Variants in PRMT3 observed in about 807,000 individuals in gnomAD.
PRMT3 encodes the protein protein arginine methyltransferase 3.
In PRMT3, 62 loss-of-function variants were observed where a neutral mutation model predicts 71.9. The observed-to-expected ratio is 0.86, with a 90% CI of 0.70 to 1.07. The LOEUF (loss-of-function observed/expected upper bound fraction) is 1.07. Ranked by LOEUF, PRMT3 falls within the 50% of genes least tolerant of loss-of-function variation. The pLI is 0.00. For synonymous variants in PRMT3, 213 were observed against 220.4 expected, an observed-to-expected ratio of 0.97 and a Z score of 0.30; for missense variants, 663 against 643.0, an observed-to-expected ratio of 1.03 and a Z score of -0.34.
At chr11:20,461,930 C>T (rs1251788323) in intron 11 of PRMT3, 50 bp from the exon 12 acceptor site, 12 of 1,396,430 alleles carry the variant, frequency 8.6e-6, no homozygotes, top group Non-Finnish European at 1.0e-5. Context: ...AATTATATTC[C>T]ATAAGAAAGG....
intron 10 of PRMT3, among the ~76,000 whole-genome samples, chr11:20,441,399 G>A (rs1393096935): frequency 1.3e-5 from 2 of 151,620 alleles, no homozygotes; most frequent in Non-Finnish European, 1.5e-5. Context: ...TCCGCCTCCC[G>A]GGTTCACGCC....
intron 8 of PRMT3, chr11:20,406,451 A>G (rs972027895): frequency 2.0e-5 from 3 of 152,188 alleles, no homozygotes; most frequent in Non-Finnish European, 4.4e-5. Context: ...TCAAGATTTG[A>G]CCTTGTTACA....
At chr11:20,487,740 A>G (rs1851110417) in intron 13 of PRMT3, among the ~76,000 whole-genome samples, 1 of 152,228 alleles carries the variant, frequency 6.6e-6, no homozygotes, top group Non-Finnish European at 1.5e-5. Context: ...TTTTGTGTTT[A>G]TAGCTAGGAA....
chr11:20,437,593 T>C (rs1319713452), intron 10 of PRMT3, among the ~76,000 whole-genome samples: 2 of 151,614 alleles, frequency 1.3e-5, no homozygotes, highest in Non-Finnish European at 2.9e-5. Context: ...CATAGTTTTT[T>C]TTGTTGTTAT....
At chr11:20,441,263 TTTTATTTATTTATTTA>T (rs3044625) in intron 10 of PRMT3, among the ~76,000 whole-genome samples, 1,597 of 138,132 alleles carry the variant, frequency 0.012, 32 homozygotes, top group Non-Finnish European at 9.1e-3. Flanking sequence ...GTTACTAACT[TTTTATTTATTTATTTA>T]TTTATTTATT....
intron 15 of PRMT3, among the ~76,000 whole-genome samples, chr11:20,506,094 TG>T (rs1851584632): frequency 6.6e-6 from 1 of 152,190 alleles, no homozygotes; most frequent in Admixed American, 6.5e-5. Flanking sequence ...GAACTTCATC[TG>T]TGAGTAAGGA....
intron 9 of PRMT3, among the ~76,000 whole-genome samples, chr11:20,416,943 G>A (rs1253451421): frequency 6.6e-6 from 1 of 152,116 alleles, no homozygotes; most frequent in Non-Finnish European, 1.5e-5. Flanking sequence ...ACTGGCATAG[G>A]TTTTGTCTCT....
chr11:20,441,716 C>T (rs1207527111), intron 10 of PRMT3, among the ~76,000 whole-genome samples: 3 of 150,962 alleles, frequency 2.0e-5, no homozygotes, highest in South Asian at 4.2e-4. Context: ...CGTCTCTTTA[C>T]GTCTGTGCAG....
At chr11:20,470,997 G>C (rs1446571023) in intron 13 of PRMT3, among the ~76,000 whole-genome samples, 1 of 151,918 alleles carries the variant, frequency 6.6e-6, no homozygotes, top group Non-Finnish European at 1.5e-5. Flanking sequence ...GTAATGTTGA[G>C]CTTTTTTTCC....
intron 5 of PRMT3, among the ~76,000 whole-genome samples, chr11:20,395,495 C>A (rs923431789): frequency 2.6e-5 from 4 of 151,788 alleles, no homozygotes; most frequent in Non-Finnish European, 5.9e-5. Context: ...AGGCTCGCAT[C>A]ACCAGACCTG....
In PRMT3 at chr11:20,474,810, A is replaced by T. The variant is rs143141420; in HGVS notation, c.1347+10264A>T. Among the ~76,000 whole-genome samples the T allele has an allele frequency of 8.8e-3, 1,348 of 152,358 alleles. 9 individuals are homozygous for T. The highest frequency in any genetic ancestry group is 0.014 in the Non-Finnish European group (939 of 68,034). On this transcript the variant is annotated intron_variant, in intron 13 of 15. Transcript: ENST00000331079. ...TTGCAGATAGAACAATGGCAAGAGC[A>T]CACTTGAACAAAGGAGGGAAGCAAT...
chr11:20,469,962 CTTT>C (rs1275116647), intron 13 of PRMT3, among the ~76,000 whole-genome samples: 2 of 151,988 alleles, frequency 1.3e-5, no homozygotes, highest in Non-Finnish European at 2.9e-5. Context: ...AAGAAGCAGA[CTTT>C]TTTAATACAG....
intron 3 of PRMT3, 70 bp downstream of exon 3, chr11:20,389,896 A>G (rs1389187307): frequency 7.7e-6 from 9 of 1,171,992 alleles, no homozygotes; most frequent in Non-Finnish European, 1.1e-5. Context: ...TCACACCTGT[A>G]ATCCCAGCAC....
At chr11:20,504,747 C>CGAGCGAGA (rs1435540993) in intron 15 of PRMT3, among the ~76,000 whole-genome samples, 2 of 111,152 alleles carry the variant, frequency 1.8e-5, no homozygotes, top group African/African-American at 6.9e-5. Flanking sequence ...AGAGAGAGAG[C>CGAGCGAGA]GAGAGCGACT....
intron 7 of PRMT3, among the ~76,000 whole-genome samples, chr11:20,402,040 T>C (rs561073821): frequency 5.3e-4 from 81 of 152,318 alleles, no homozygotes; most frequent in African/African-American, 1.9e-3. Context: ...CTGAAACGTA[T>C]CCAGTTTAGT....
intron 8 of PRMT3, among the ~76,000 whole-genome samples, 200 bp downstream of exon 8, chr11:20,403,184 T>C (rs1386403109): frequency 1.3e-5 from 2 of 152,236 alleles, no homozygotes; most frequent in Non-Finnish European, 2.9e-5. Flanking sequence ...TGCTCTTTTT[T>C]AAAATTGAAA....
rs1408326333 is a variant in PRMT3, at chr11:20,397,677, TTCAGC to T, written c.665_669del (p.Ser222IlefsTer8). On this transcript the variant is annotated frameshift_variant, in exon 7 of 16. Transcript: ENST00000331079. LOFTEE classifies it high-confidence loss of function. The stretch of plus-strand genomic sequence containing the variant: ...CCAGGAGGATGAGGATGGTGTTTAT[TTCAGC>T]TCATACGGGCATTATGGGATACATG... The T allele has an allele frequency of 1.2e-6, 2 of 1,614,192 alleles. No individual in the cohort carries two copies. Among genetic ancestry groups the T allele is most frequent in the African/African-American group, 1.3e-5 (1 of 75,040 alleles).
chr11:20,483,205 A>G (rs1025991736), intron 13 of PRMT3, among the ~76,000 whole-genome samples: 5 of 152,126 alleles, frequency 3.3e-5, no homozygotes, highest in African/African-American at 1.2e-4. Context: ...AATATTTTTC[A>G]GTTTTAAACT....
intron 10 of PRMT3, among the ~76,000 whole-genome samples, chr11:20,434,471 A>G (rs1849721342): frequency 6.6e-6 from 1 of 151,792 alleles, no homozygotes; most frequent in South Asian, 2.1e-4. Context: ...CCAGGATGGT[A>G]TTGCCTAGGT....
Sources: gnomAD v4.1 joint callset for allele counts (sites outside exome capture counted in the v4.1 genomes callset) on GRCh38, gnomAD v4.1.1 for gene constraint, MANE v1.5 for transcripts, NCBI Gene and HGNC (gene_info 2026-07-23, HGNC 2026-07-21) for gene names.